The following POTEJ variants were observed in gnomAD, a reference collection of about 807,000 sequenced individuals.
POTEJ encodes POTE ankyrin domain family member J.
In POTEJ, 11 loss-of-function variants were observed where a neutral mutation model predicts 69.0. The observed-to-expected ratio is 0.16, with a 90% CI of 0.10 to 0.26. POTEJ has a LOEUF of 0.26. Ranked by LOEUF, POTEJ falls within the 10% of genes least tolerant of loss-of-function variation. The probability of loss-of-function intolerance (pLI) is 1.00; values close to 1 mark genes in which losing one functional copy is unlikely to be tolerated. For synonymous variants in POTEJ, 117 were observed against 381.1 expected, an observed-to-expected ratio of 0.31 and a Z score of 8.07; for missense variants, 327 against 1,045.5, an observed-to-expected ratio of 0.31 and a Z score of 9.48.
intron 10 of POTEJ, among the ~76,000 whole-genome samples, chr2:130,639,105 C>A (rs1686227866): frequency 6.6e-6 from 1 of 152,308 alleles, no homozygotes; most frequent in Non-Finnish European, 1.5e-5. Flanking sequence ...AGAGTAGAGG[C>A]TGCAATATGA....
chr2:130,613,380 G>GTATA (rs1194449839), intron 1 of POTEJ, among the ~76,000 whole-genome samples: 1 of 125,848 alleles, frequency 7.9e-6, no homozygotes, highest in Non-Finnish European at 1.6e-5. Context: ...ATGTGTGTGT[G>GTATA]TGTGTATATA....
intron 10 of POTEJ, among the ~76,000 whole-genome samples, chr2:130,641,070 G>C (rs1298216439): frequency 1.3e-5 from 2 of 152,090 alleles, no homozygotes; most frequent in African/African-American, 2.4e-5. Flanking sequence ...CCGTGCTGTT[G>C]TCTGCTGTTG....
At chr2:130,646,691 C>T (rs866757569) in intron 13 of POTEJ, among the ~76,000 whole-genome samples, 9 of 140,328 alleles carry the variant, frequency 6.4e-5, no homozygotes, top group Middle Eastern at 3.6e-3. Context: ...GGTCGTCTCC[C>T]TCCTGCCATG....
intron 10 of POTEJ, among the ~76,000 whole-genome samples, chr2:130,639,382 T>A (rs1686248858): frequency 6.6e-6 from 1 of 152,308 alleles, no homozygotes; most frequent in South Asian, 2.1e-4. Context: ...ATTCCTCCTG[T>A]TTTGAAGTTG....
chr2:130,619,631 AG>A (rs1411629297), intron 3 of POTEJ, among the ~76,000 whole-genome samples: 2 of 138,504 alleles, frequency 1.4e-5, no homozygotes, highest in Non-Finnish European at 3.1e-5. Context: ...ATGAAACTAA[AG>A]AAATATTTTA....
At chr2:130,644,465 T>C (rs1408870930) in intron 11 of POTEJ, among the ~76,000 whole-genome samples, 1 of 152,164 alleles carries the variant, frequency 6.6e-6, no homozygotes, top group East Asian at 1.9e-4. Context: ...CGAGACTCCA[T>C]CTGAAAAAAA....
intron 6 of POTEJ, among the ~76,000 whole-genome samples, chr2:130,627,325 A>G (rs1161008675): frequency 1.3e-5 from 2 of 150,430 alleles, no homozygotes; most frequent in East Asian, 1.9e-4. Context: ...ATAAATGTCC[A>G]TGTGTATCAC....
upstream of POTEJ, among the ~76,000 whole-genome samples, chr2:130,611,263 GGTTT>G (rs1196823981): frequency 1.4e-5 from 2 of 138,860 alleles, no homozygotes; most frequent in Non-Finnish European, 3.0e-5. Flanking sequence ...TTCTCTGCTG[GGTTT>G]GGCATTCCCT....
intron 6 of POTEJ, among the ~76,000 whole-genome samples, chr2:130,625,482 A>T (rs962145465): frequency 1.3e-5 from 2 of 151,944 alleles, no homozygotes; most frequent in African/African-American, 4.9e-5. Context: ...TATATTGATT[A>T]TGTGCCAGAC....
At chr2:130,624,430 C>A (rs1189463268) in intron 6 of POTEJ, among the ~76,000 whole-genome samples, 1 of 146,880 alleles carries the variant, frequency 6.8e-6, no homozygotes, top group African/African-American at 2.7e-5. Context: ...GATCATCAGG[C>A]ATTAGATTCT....
rs1227410226 is a variant in POTEJ at position 130,625,421 on chromosome 2, T to C, written c.1015+1287T>C. ...TTCATTATTTTACTACTTTATTCAG[T>C]GCTTACTGTGTGCTAGATGCCCACT... On this transcript the variant is annotated intron_variant, in intron 6 of 14. Transcript: ENST00000409602. 1.2e-4 allele frequency among the ~76,000 whole-genome samples: 18 copies of C among 151,886 alleles called. No individual in the cohort carries two copies. In the South Asian group the frequency reaches 3.3e-3, roughly 28 times the overall value.
At chr2:130,649,948 C>T (rs1686745543) in intron 13 of POTEJ, among the ~76,000 whole-genome samples, 2 of 152,158 alleles carry the variant, frequency 1.3e-5, no homozygotes, top group South Asian at 2.1e-4. Flanking sequence ...GGAATAACCA[C>T]TTCCTGAGGG....
chr2:130,649,976 C>A lies in POTEJ; in HGVS notation c.1667+3666C>A, dbSNP rs1237350570. Reference sequence around the variant, plus strand: ...CCTGAGGGAGAACCATGTACCAGCACAATTCCTAGCCCAGAGAAAATGAAG... The same window carrying A: ...CCTGAGGGAGAACCATGTACCAGCAAAATTCCTAGCCCAGAGAAAATGAAG... On this transcript the variant is annotated intron_variant, in intron 13 of 14. Transcript: ENST00000409602. 3.9e-5 allele frequency among the ~76,000 whole-genome samples: 6 copies of A among 152,282 alleles called. No homozygotes were observed. In the South Asian group the frequency reaches 6.2e-4, roughly 16 times the overall value.
intron 5 of POTEJ, among the ~76,000 whole-genome samples, chr2:130,623,784 T>TA (rs1685609091): frequency 7.3e-6 from 1 of 137,588 alleles, no homozygotes. Context: ...AGCTAGGACT[T>TA]ATGCAGAGTT....
chr2:130,611,299 TGG>T (rs1303951185), upstream of POTEJ, among the ~76,000 whole-genome samples: 8 of 44,014 alleles, frequency 1.8e-4, no homozygotes, highest in South Asian at 7.0e-4. Context: ...GGTGTTTTCT[TGG>T]GGGGGGGGGG....
At position 130,649,977 on chromosome 2, in the gene POTEJ, A is replaced by G. The variant is rs1277358685; in HGVS notation, c.1667+3667A>G. On this transcript the variant is annotated intron_variant, in intron 13 of 14. Transcript: ENST00000409602. ...CTGAGGGAGAACCATGTACCAGCAC[A>G]ATTCCTAGCCCAGAGAAAATGAAGA... 4.6e-5 allele frequency among the ~76,000 whole-genome samples: 7 copies of G among 152,200 alleles called. No homozygotes were observed. The East Asian group carries it at 5.8e-4, about 13-fold the overall frequency.
chr2:130,625,473 A>T (rs1685673377), intron 6 of POTEJ, among the ~76,000 whole-genome samples: 1 of 151,950 alleles, frequency 6.6e-6, no homozygotes, highest in East Asian at 1.9e-4. Context: ...GATTTATTAT[A>T]TATTGATTAT....
At chr2:130,650,523 T>A (rs1212090495) in intron 13 of POTEJ, among the ~76,000 whole-genome samples, 1 of 151,100 alleles carries the variant, frequency 6.6e-6, no homozygotes, top group Non-Finnish European at 1.5e-5. Flanking sequence ...AATGAATGAA[T>A]GGAGTTTATC....
In POTEJ at chr2:130,657,113, A is replaced by T; in HGVS notation, c.2353A>T (p.Ile785Phe). ...GGCCAACCGCGAGAAGATGACCCAG[A>T]TCATGTTTGAGACCTTCAACACCCC... ...PKANREKMTQ[I>F]MFETFNTPAM... is the part of the protein sequence containing the mutation. Residue 785 changes from isoleucine to phenylalanine, a missense_variant, in exon 15 of 15, where the codon ATC (isoleucine) becomes TTC (phenylalanine). Transcript: ENST00000409602. 1 of 1,571,100 alleles carries T rather than the reference A, an allele frequency of 6.4e-7. No individual in the cohort carries two copies. Among genetic ancestry groups the T allele is most frequent in the Non-Finnish European group, 8.7e-7 (1 of 1,150,478 alleles).
Sources: gnomAD v4.1 joint callset for allele counts (sites outside exome capture counted in the v4.1 genomes callset) on GRCh38, gnomAD v4.1.1 for gene constraint, MANE v1.5 for transcripts, NCBI Gene and HGNC (gene_info 2026-07-23, HGNC 2026-07-21) for gene names.